Variants in MVD observed in about 807,000 individuals in gnomAD.
MVD encodes the protein diphosphomevalonate decarboxylase.
Under a neutral mutation model 42.4 loss-of-function variants are expected in MVD, and 52 were observed. That is an observed-to-expected ratio of 1.23 (90% CI 0.98 to 1.55). MVD has a LOEUF of 1.55. Ranked by LOEUF, MVD falls within the 40% of genes most tolerant of loss-of-function variation. The pLI is 0.00. For synonymous variants in MVD, 287 were observed against 243.2 expected, an observed-to-expected ratio of 1.18 and a Z score of -1.68; for missense variants, 663 against 572.1, an observed-to-expected ratio of 1.16 and a Z score of -1.62.
chr16:88,659,239 G>A (rs1330967232), intron 1 of MVD: 2 of 181,234 alleles, frequency 1.1e-5, no homozygotes, highest in South Asian at 1.1e-4. Flanking sequence ...ATTCCACGGC[G>A]GCTTCGCTAA....
At position 88,663,031 on chromosome 16, in the gene MVD, T is replaced by G; in HGVS notation, c.50A>C (p.Asn17Thr). The G allele has an allele frequency of 6.2e-7, 1 of 1,609,258 alleles. No individual in the cohort carries two copies. Among genetic ancestry groups the G allele is most frequent in the Non-Finnish European group, 8.5e-7 (1 of 1,178,368 alleles). ...CTCACAGTACTTGATGACCGCGATG[T>G]TGACCGGCGCTGTACAAGTGACTGC... ...LAAVTCTAPV[N>T]IAVIKYWGKR... Residue 17 changes from asparagine (N) to threonine (T), a missense_variant, in exon 1 of 10, where the codon AAC becomes ACC. Transcript: ENST00000301012.
At position 88,656,143 on chromosome 16, in the gene MVD, C is replaced by A; in HGVS notation, c.565G>T (p.Glu189Ter). 1 of 1,602,044 alleles carries A rather than the reference C, an allele frequency of 6.2e-7. No homozygotes were observed. The highest frequency in any genetic ancestry group is 8.5e-7 in the Non-Finnish European group (1 of 1,179,904). ...KDSIARQVAP[E>*]SHWPELRVLI... The stretch of plus-strand genomic sequence containing the variant: ...ACGCGGAGTTCAGGCCAGTGTGACT[C>A]GGGGGCCACTTGCCGAGCGATGCTG... The change falls in exon 5 of 10, where the codon GAG becomes TAG. Residue 189 changes from glutamate (E) to a stop codon, truncating the protein, a stop_gained. Coordinates refer to ENST00000301012, the MANE Select transcript of MVD (RefSeq NM_002461.3). LOFTEE classifies it high-confidence loss of function.
chr16:88,657,976 A>C lies in MVD; in HGVS notation c.195T>G (p.Ile65Met). Residue 65 changes from isoleucine to methionine, a missense_variant, in exon 3 of 10, where the codon ATT becomes ATG. Physicochemically the swap from Ile to Met is conservative, Grantham distance 10. Transcript: ENST00000301012. The part of the protein sequence containing the change: ...VISKDFTEDR[I>M]WLNGREEDVG... ...CATCCTCCTCCCGGCCATTCAGCCAAATCCGGTCCTCGGTGAAGTCCTTGC... is the reference window on the plus strand; with the variant it reads ...CATCCTCCTCCCGGCCATTCAGCCACATCCGGTCCTCGGTGAAGTCCTTGC... 6.2e-7 allele frequency: 1 copy of C among 1,614,034 alleles called. No homozygotes were observed. Among genetic ancestry groups the C allele is most frequent in the Non-Finnish European group, 8.5e-7 (1 of 1,180,034 alleles).
At chr16:88,655,631 C>T (rs779086238) in intron 6 of MVD, 25 bp downstream of exon 6, 21 of 1,547,650 alleles carry the variant, frequency 1.4e-5, no homozygotes, top group African/African-American at 5.5e-5. Context: ...CCCAGGGCCC[C>T]GGGACCACCC....
At chr16:88,653,140 C>T (rs1907684221) in intron 9 of MVD, among the ~76,000 whole-genome samples, 160 bp downstream of exon 9, 1 of 152,228 alleles carries the variant, frequency 6.6e-6, no homozygotes. Context: ...CTGTAATGTC[C>T]ACTTTGAGAG....
chr16:88,653,354 A>G lies in MVD; in HGVS notation c.1068T>C (p.Ala356=). Residue 356 remains alanine, a synonymous_variant, in exon 9 of 10, where the codon GCT becomes GCC. Coordinates refer to ENST00000301012, the MANE Select transcript of MVD (RefSeq NM_002461.3). ...CGGGGGTCGGCTCCATGGCCAGCGC[A>G]GCCTGAAGCTCAGCTGAGAGAGGGG... ...RPAPLSAELQ[A]ALAMEPTPGG... 1 of 1,598,742 alleles carries G rather than the reference A, an allele frequency of 6.3e-7. No homozygotes were observed. The highest frequency in any genetic ancestry group is 1.8e-5 in the Admixed American group (1 of 54,662).
rs552911053 is a variant in MVD at position 88,653,483 on chromosome 16, T to C, written c.1014-75A>G. ...TCTACAACAGTCTACAACAGGCAAG[T>C]CCAGAGATGGGAAGTGCATTCCTGG... On this transcript the variant is annotated intron_variant, in intron 8 of 9. Coordinates refer to ENST00000301012, the MANE Select transcript of MVD (RefSeq NM_002461.3). 278 of 1,253,014 alleles carry C rather than the reference T, an allele frequency of 2.2e-4. 1 individual carries two copies. The South Asian group carries it at 3.7e-3, about 17-fold the overall frequency. The allele number at this position is 1,253,014 out of a possible 1,614,324, so 77.6% of individuals were successfully genotyped here.
In MVD at chr16:88,661,234, C is replaced by T. The variant is rs569789211; in HGVS notation, c.70+1777G>A. Among the ~76,000 whole-genome samples the T allele has an allele frequency of 2.0e-5, 3 of 152,204 alleles. No individual in the cohort carries two copies. The East Asian group carries it at 5.8e-4, about 29-fold the overall frequency. On this transcript the variant is annotated intron_variant, in intron 1 of 9. Transcript: ENST00000301012. ...ACAATCTTCAGGACATAGGGCTAAG[C>T]AAAGAGGTCTTAGACTTGACATCAA...
chr16:88,655,391 C>T lies in MVD; in HGVS notation c.705G>A (p.Ala235=), dbSNP rs756548082. The T allele has an allele frequency of 5.7e-6, 9 of 1,589,944 alleles. No homozygotes were observed. Among genetic ancestry groups the T allele is most frequent in the African/African-American group, 4.0e-5 (3 of 74,556 alleles). The change falls in exon 7 of 10, where the codon GCG becomes GCA. Residue 235 remains alanine, a synonymous_variant. Coordinates refer to ENST00000301012, the MANE Select transcript of MVD (RefSeq NM_002461.3). ...LRFRAESVVP[A]RMAEMARCIR... The stretch of plus-strand genomic sequence containing the variant: ...TGCAGCGGGCCATCTCCGCCATGCG[C>T]GCGGGCACCACGGACTCGGCCCGGA...
At chr16:88,655,796 A>C in intron 5 of MVD, 66 bp from the exon 6 acceptor site, 1 of 1,520,472 alleles carries the variant, frequency 6.6e-7, no homozygotes, top group South Asian at 1.2e-5. Context: ...CCTCAGCCTC[A>C]AACACTCGGC....
Position 88,655,235 on chromosome 16 carries a change from C to T in MVD, c.861G>A (p.Leu287=), listed in dbSNP as rs747471921. ...CGTGGTGGGCGTTGAAGCGGTGCAC[C>T]AGGTGGATGATGCGCCAGGAGATGG... ...LNAISWRIIH[L]VHRFNAHHGD... The change falls in exon 7 of 10, where the codon CTG becomes CTA. Residue 287 remains leucine, a synonymous_variant. Coordinates refer to ENST00000301012, the MANE Select transcript of MVD (RefSeq NM_002461.3). The T allele has an allele frequency of 2.8e-5, 45 of 1,579,996 alleles. No homozygotes were observed. The highest frequency in any genetic ancestry group is 3.9e-5 in the Non-Finnish European group (45 of 1,163,286).
intron 4 of MVD, chr16:88,657,085 G>A (rs957554213): frequency 9.1e-6 from 4 of 439,976 alleles, no homozygotes; most frequent in Non-Finnish European, 1.7e-5. Flanking sequence ...ATCTAGAGGG[G>A]CTCCACATAC....
rs1480336072 is a variant in MVD at position 88,656,133 on chromosome 16, C to T, written c.575G>A (p.Trp192Ter). 6.2e-7 allele frequency: 1 copy of T among 1,601,798 alleles called. No individual in the cohort carries two copies. Among genetic ancestry groups the T allele is most frequent in the Non-Finnish European group, 8.5e-7 (1 of 1,179,896 alleles). The change falls in exon 5 of 10, where the codon TGG (tryptophan) becomes TAG (stop). Residue 192 changes from tryptophan to a stop codon, truncating the protein, a stop_gained. Transcript: ENST00000301012. LOFTEE classifies it high-confidence loss of function. ...AAGGATGAGCACGCGGAGTTCAGGC[C>T]AGTGTGACTCGGGGGCCACTTGCCG... ...IARQVAPESHWPELRVLILVV... is the reference protein window; with the variant it reads ...IARQVAPESH
chr16:88,654,977 C>T (rs761969138), intron 7 of MVD, 170 bp from the exon 8 acceptor site: 181 of 848,336 alleles, frequency 2.1e-4, no homozygotes, highest in Middle Eastern at 7.1e-4. Flanking sequence ...ACACGTCTGC[C>T]TGTGAACCCA....
chr16:88,652,248 G>T lies in MVD; in HGVS notation c.*277C>A. 1.8e-6 allele frequency: 1 copy of T among 570,540 alleles called. No homozygotes were observed. Among genetic ancestry groups the T allele is most frequent in the Non-Finnish European group, 3.2e-6 (1 of 316,894 alleles). The allele number at this position is 570,540 out of a possible 1,614,324, so 35.3% of individuals were successfully genotyped here. A position where few individuals can be genotyped will look rare whatever the true frequency, so the allele number is the denominator to read the frequency against. The stretch of plus-strand genomic sequence containing the variant: ...TGGGGTGAGAAAGCCCTTCAGCCCT[G>T]CTGCACCGAGGCTCTGCCAGTTCTC... On this transcript the variant is annotated 3_prime_UTR_variant, in exon 10 of 10. Transcript: ENST00000301012.
intron 2 of MVD, among the ~76,000 whole-genome samples, chr16:88,658,442 T>A (rs891345377): frequency 2.6e-5 from 4 of 152,062 alleles, no homozygotes; most frequent in Admixed American, 2.6e-4. Context: ...ATTTTTTTTT[T>A]GTTTCAGAGA....
chr16:88,652,359 G>A lies in MVD; in HGVS notation c.*166C>T. ...TCGGCGGGGACCTCTCCTGACACCTGGGCGGCCGCAGGACTCCCTGCACTG... is the reference window on the plus strand; with the variant it reads ...TCGGCGGGGACCTCTCCTGACACCTAGGCGGCCGCAGGACTCCCTGCACTG... On this transcript the variant is annotated 3_prime_UTR_variant, in exon 10 of 10. Coordinates refer to ENST00000301012, the MANE Select transcript of MVD (RefSeq NM_002461.3). 1 of 729,694 alleles carries A rather than the reference G, an allele frequency of 1.4e-6. No individual in the cohort carries two copies. Among genetic ancestry groups the A allele is most frequent in the South Asian group, 1.6e-5 (1 of 62,396 alleles). 45.2% of individuals were successfully genotyped at this position (729,694 alleles called of 1,614,324 possible).
At position 88,656,137 on chromosome 16, in the gene MVD, G is replaced by A; in HGVS notation, c.571C>T (p.His191Tyr). 2 of 1,601,984 alleles carry A rather than the reference G, an allele frequency of 1.2e-6. No individual in the cohort carries two copies. The highest frequency in any genetic ancestry group is 8.5e-7 in the Non-Finnish European group (1 of 1,179,900). ...SIARQVAPESHWPELRVLILV... is the reference protein window; with the variant it reads ...SIARQVAPESYWPELRVLILV... ...ATGAGCACGCGGAGTTCAGGCCAGTGTGACTCGGGGGCCACTTGCCGAGCG... is the reference window on the plus strand; with the variant it reads ...ATGAGCACGCGGAGTTCAGGCCAGTATGACTCGGGGGCCACTTGCCGAGCG... The change falls in exon 5 of 10, where the codon CAC becomes TAC. Residue 191 changes from histidine to tyrosine, a missense_variant. His to Tyr is a moderately conservative substitution (Grantham distance 83, BLOSUM62 2). Coordinates refer to ENST00000301012, the MANE Select transcript of MVD (RefSeq NM_002461.3).
chr16:88,659,021 G>T, intron 1 of MVD: 1 of 405,736 alleles, frequency 2.5e-6, no homozygotes, highest in African/African-American at 2.0e-5. Context: ...CTCCCACCGC[G>T]GCCTGCCTCC....
Sources: allele counts gnomAD v4.1 joint callset (sites outside exome capture counted in the v4.1 genomes callset), GRCh38; gene constraint gnomAD v4.1.1; transcripts MANE v1.5; gene names NCBI Gene and HGNC (gene_info 2026-07-23, HGNC 2026-07-21).